GRIP1: variants seen among roughly 807,000 people sequenced by gnomAD.
GRIP1 encodes glutamate receptor-interacting protein 1.
Under a neutral mutation model 129.9 loss-of-function variants are expected in GRIP1, and 45 were observed. The ratio of observed to expected loss-of-function variants is 0.35; its 90% CI spans 0.27 to 0.44. GRIP1 has a LOEUF of 0.44. GRIP1 is among the 20% of genes least tolerant of loss of function. The pLI, the probability that GRIP1 is intolerant of heterozygous loss-of-function variation, is 1.00. For missense variants in GRIP1, 1,196 were observed against 1,396.8 expected, an observed-to-expected ratio of 0.86 and a Z score of 2.29; for synonymous variants, 530 against 520.8, an observed-to-expected ratio of 1.02 and a Z score of -0.24.
intron 14 of GRIP1, among the ~76,000 whole-genome samples, chr12:66,425,523 C>T (rs950909348): frequency 1.4e-4 from 22 of 152,106 alleles, no homozygotes; most frequent in South Asian, 2.1e-4. Flanking sequence ...CACATGCACA[C>T]GTATGTTTAT....
intron 13 of GRIP1, among the ~76,000 whole-genome samples, chr12:66,439,166 C>A (rs1433211900): frequency 6.6e-6 from 1 of 152,156 alleles, no homozygotes; most frequent in Non-Finnish European, 1.5e-5. Flanking sequence ...AGTTCTTACT[C>A]CCCTCCTAAT....
intron 1 of GRIP1, among the ~76,000 whole-genome samples, chr12:66,792,830 GATAAC>G (rs1398926979): frequency 6.6e-6 from 1 of 152,034 alleles, no homozygotes; most frequent in African/African-American, 2.4e-5. Flanking sequence ...GCTCAAACTG[GATAAC>G]ATAAATTACA....
intron 7 of GRIP1, among the ~76,000 whole-genome samples, chr12:66,473,170 A>G (rs1383816376): frequency 6.6e-6 from 1 of 152,132 alleles, no homozygotes; most frequent in Non-Finnish European, 1.5e-5. Context: ...CTGGGGCTTG[A>G]GTAGGCAGTT....
intron 1 of GRIP1, among the ~76,000 whole-genome samples, chr12:66,669,187 C>A (rs1490374580): frequency 6.6e-6 from 1 of 152,024 alleles, no homozygotes; most frequent in African/African-American, 2.4e-5. Context: ...CCAAGGTGGG[C>A]AGATCACTTG....
At chr12:67,037,777 G>A (rs1269472662) in intron 1 of GRIP1, among the ~76,000 whole-genome samples, 1 of 152,102 alleles carries the variant, frequency 6.6e-6, no homozygotes, top group Non-Finnish European at 1.5e-5. Flanking sequence ...AAATGTTAAG[G>A]TTATAAACTT....
chr12:67,044,759 A>T (rs557431858), intron 1 of GRIP1, among the ~76,000 whole-genome samples: 35 of 152,170 alleles, frequency 2.3e-4, no homozygotes, highest in Admixed American at 5.9e-4. Flanking sequence ...GTTCTACATT[A>T]AAAAAAATTA....
chr12:66,930,748 C>A (rs1227335321), intron 1 of GRIP1, among the ~76,000 whole-genome samples: 1 of 152,132 alleles, frequency 6.6e-6, no homozygotes, highest in Non-Finnish European at 1.5e-5. Context: ...ATTTTATGAG[C>A]CCCAAATTTA....
chr12:66,808,045 A>G (rs1465024743), upstream of GRIP1, among the ~76,000 whole-genome samples: 2 of 151,732 alleles, frequency 1.3e-5, no homozygotes, highest in Non-Finnish European at 2.9e-5. Context: ...TACAACCAAG[A>G]ACTGACAGAT....
chr12:66,837,879 A>T (rs536831646), intron 1 of GRIP1, among the ~76,000 whole-genome samples: 4 of 152,204 alleles, frequency 2.6e-5, no homozygotes, highest in Non-Finnish European at 5.9e-5. Context: ...TACTTGGGCT[A>T]TTTCAGAATG....
chr12:66,360,119 A>C (rs1325261643), intron 23 of GRIP1, among the ~76,000 whole-genome samples: 1 of 152,168 alleles, frequency 6.6e-6, no homozygotes, highest in Non-Finnish European at 1.5e-5. Flanking sequence ...ATGCAGAAGC[A>C]CCAGGATTCA....
intron 1 of GRIP1, chr12:67,037,543 T>G (rs2043116936): frequency 6.6e-6 from 1 of 151,996 alleles, no homozygotes; most frequent in Admixed American, 6.6e-5. Flanking sequence ...TAAATAGAAC[T>G]TTATAGCATT....
intron 23 of GRIP1, among the ~76,000 whole-genome samples, chr12:66,365,001 C>T (rs1037389472): frequency 6.6e-6 from 1 of 152,152 alleles, no homozygotes; most frequent in African/African-American, 2.4e-5. Flanking sequence ...CAGTCATTTT[C>T]TCTGACTTAC....
chr12:66,409,693 A>C lies in GRIP1; in HGVS notation c.1839-3265T>G, dbSNP rs147218260. On this transcript the variant is annotated intron_variant, in intron 15 of 24. Transcript: ENST00000359742. ...AAACACGACCTCACCAAGTGAACTAAATAAGGCACGAAAGACCAATCACAG... is the reference window on the plus strand; with the variant it reads ...AAACACGACCTCACCAAGTGAACTACATAAGGCACGAAAGACCAATCACAG... Among the ~76,000 whole-genome samples, 520 of 152,322 alleles carry C rather than the reference A, an allele frequency of 3.4e-3. 10 individuals carry two copies. Among genetic ancestry groups the C allele is most frequent in the African/African-American group, 0.012 (499 of 41,574 alleles).
chr12:66,634,523 TAC>T, intron 1 of GRIP1, among the ~76,000 whole-genome samples: 1 of 152,186 alleles, frequency 6.6e-6, no homozygotes, highest in South Asian at 2.1e-4. Flanking sequence ...GATAAAAAAT[TAC>T]TCTTCCTGAG....
intron 1 of GRIP1, among the ~76,000 whole-genome samples, chr12:66,623,621 T>A (rs1046773581): frequency 1.3e-5 from 2 of 152,186 alleles, no homozygotes; most frequent in Admixed American, 6.5e-5. Flanking sequence ...GTTTCCTAAC[T>A]GGGGCTCACA....
chr12:66,557,714 GACC>G (rs1202705133), intron 2 of GRIP1, among the ~76,000 whole-genome samples: 1 of 152,118 alleles, frequency 6.6e-6, no homozygotes, highest in Non-Finnish European at 1.5e-5. Context: ...GCTCCTGAAT[GACC>G]AATGGGTCAA....
At chr12:66,786,787 G>T (rs1282894338) in intron 1 of GRIP1, among the ~76,000 whole-genome samples, 3 of 152,182 alleles carry the variant, frequency 2.0e-5, no homozygotes, top group African/African-American at 7.2e-5. Flanking sequence ...GCAACACCCA[G>T]TTTATATGGG....
chr12:66,497,776 C>A (rs886352140), intron 7 of GRIP1, among the ~76,000 whole-genome samples: 17 of 152,098 alleles, frequency 1.1e-4, no homozygotes, highest in African/African-American at 3.9e-4. Flanking sequence ...GAACTGTGTA[C>A]GTCAGGCCTC....
chr12:66,683,085 G>A (rs542361080), upstream of GRIP1, among the ~76,000 whole-genome samples: 4 of 151,946 alleles, frequency 2.6e-5, no homozygotes, highest in South Asian at 4.2e-4. Flanking sequence ...GTTATTAAAT[G>A]TTGTGTATTT....
Sources: allele counts gnomAD v4.1 joint callset (sites outside exome capture counted in the v4.1 genomes callset), GRCh38; gene constraint gnomAD v4.1.1; transcripts MANE v1.5; gene names NCBI Gene and HGNC (gene_info 2026-07-23, HGNC 2026-07-21).